The following CAPZB variants were observed in gnomAD, a reference collection of about 807,000 sequenced individuals.
CAPZB encodes capping actin protein of muscle Z-line subunit beta.
A neutral mutation model predicts 38.1 loss-of-function variants in CAPZB; 2 were observed. The observed-to-expected ratio is 0.05, with a 90% CI of 0.02 to 0.17. The LOEUF (loss-of-function observed/expected upper bound fraction) is 0.17, where lower values mean the gene tolerates loss of function less well. Ranked by LOEUF, CAPZB falls within the 10% of genes least tolerant of loss-of-function variation. CAPZB has a pLI of 1.00. For synonymous variants in CAPZB, 107 were observed against 127.4 expected (o/e 0.84, Z 1.08); for missense variants, 161 against 334.2 (o/e 0.48, Z 4.04).
chr1:19,362,842 T>C (rs1480919124), intron 4 of CAPZB, among the ~76,000 whole-genome samples: 2 of 152,130 alleles, frequency 1.3e-5, no homozygotes, highest in South Asian at 2.1e-4. Flanking sequence ...AGGGACTAGC[T>C]TGCAAAGACT....
intron 1 of CAPZB, among the ~76,000 whole-genome samples, chr1:19,447,272 CTTTTTTTTT>C (rs35692222): frequency 5.3e-5 from 4 of 74,890 alleles, no homozygotes; most frequent in Non-Finnish European, 7.2e-5. Context: ...CAGACCTAAT[CTTTTTTTTT>C]TTTTTTTTTT....
chr1:19,423,686 G>A (rs1172418200), intron 1 of CAPZB, among the ~76,000 whole-genome samples: 1 of 151,676 alleles, frequency 6.6e-6, no homozygotes, highest in Non-Finnish European at 1.5e-5. Flanking sequence ...CACCATGCCT[G>A]GTTAATTTTT....
intron 2 of CAPZB, 26 bp downstream of exon 2, chr1:19,419,633 AAT>A: frequency 7.2e-7 from 1 of 1,386,956 alleles, no homozygotes; most frequent in Non-Finnish European, 1.0e-6. Context: ...CGCAGTCTCA[AAT>A]GGAACCATAT....
At chr1:19,397,680 T>C (rs1458674227) in intron 2 of CAPZB, among the ~76,000 whole-genome samples, 2 of 152,198 alleles carry the variant, frequency 1.3e-5, no homozygotes, top group African/African-American at 4.8e-5. Context: ...AAATGGGAAA[T>C]GCATCCATTT....
intron 6 of CAPZB, among the ~76,000 whole-genome samples, chr1:19,354,942 C>T (rs925945614): frequency 1.3e-5 from 2 of 152,136 alleles, no homozygotes; most frequent in Admixed American, 6.5e-5. Context: ...TCCACTTCCA[C>T]GCAAAAAGGC....
chr1:19,368,370 GC>G (rs1257566367), intron 4 of CAPZB, among the ~76,000 whole-genome samples: 1 of 152,078 alleles, frequency 6.6e-6, no homozygotes, highest in Non-Finnish European at 1.5e-5. Context: ...CAGGCCAAGT[GC>G]AGTGGCTCAT....
chr1:19,372,679 C>T (rs2094125033), intron 4 of CAPZB, among the ~76,000 whole-genome samples: 1 of 152,238 alleles, frequency 6.6e-6, no homozygotes, highest in Admixed American at 6.5e-5. Flanking sequence ...CTAGCCTAGG[C>T]TTGGACCTAA....
chr1:19,484,424 C>T lies in CAPZB; in HGVS notation c.3+1012G>A, dbSNP rs535971234. 1.2e-4 allele frequency: 187 copies of T among 1,516,736 alleles called. No homozygotes were observed. In the East Asian group the frequency reaches 2.0e-3, roughly 16 times the overall value. 94.0% of individuals were successfully genotyped at this position (1,516,736 alleles called of 1,614,324 possible). A position where few individuals can be genotyped will look rare whatever the true frequency, so the allele number is the denominator to read the frequency against. ...ACTCAGGCCCGGGCGCCGTGGACCC[C>T]GGCCTGCCCTGCAGAATGCTTCGCA... On this transcript the variant is annotated intron_variant, in intron 1 of 8. Transcript: ENST00000264202.
chr1:19,411,833 G>A (rs1195124162), intron 2 of CAPZB, among the ~76,000 whole-genome samples: 1 of 152,158 alleles, frequency 6.6e-6, no homozygotes, highest in Non-Finnish European at 1.5e-5. Context: ...CTGGTGAAGG[G>A]CTGCCTGGCT....
At chr1:19,439,766 C>T (rs1203434143) in intron 1 of CAPZB, among the ~76,000 whole-genome samples, 1 of 152,258 alleles carries the variant, frequency 6.6e-6, no homozygotes, top group Non-Finnish European at 1.5e-5. Flanking sequence ...GACCACTCGC[C>T]CTCGGCTGTC....
At chr1:19,390,241 G>C (rs1326843118) in intron 2 of CAPZB, among the ~76,000 whole-genome samples, 1 of 152,190 alleles carries the variant, frequency 6.6e-6, no homozygotes, top group Non-Finnish European at 1.5e-5. Context: ...CCATGGGTTT[G>C]TACAGTGATT....
intron 1 of CAPZB, among the ~76,000 whole-genome samples, chr1:19,453,685 C>T (rs1177200625): frequency 6.6e-6 from 1 of 152,210 alleles, no homozygotes; most frequent in Non-Finnish European, 1.5e-5. Context: ...GACTTCACAA[C>T]ACATCTCACA....
Position 19,436,678 on chromosome 1 carries a change from G to C in CAPZB, c.4-16928C>G, listed in dbSNP as rs559889238. ...GAGTATATCCCCCATAGCTAAGGAGGGACAACTGCTATACATACATTATAC... is the reference window on the plus strand; with the variant it reads ...GAGTATATCCCCCATAGCTAAGGAGCGACAACTGCTATACATACATTATAC... On this transcript the variant is annotated intron_variant, in intron 1 of 8. Transcript: ENST00000264202. Among the ~76,000 whole-genome samples, 5 of 145,266 alleles carry C rather than the reference G, an allele frequency of 3.4e-5. No homozygotes were observed. The South Asian group carries it at 1.1e-3, about 32-fold the overall frequency.
chr1:19,372,899 G>GGGCT (rs2094126502), intron 4 of CAPZB, among the ~76,000 whole-genome samples: 1 of 152,150 alleles, frequency 6.6e-6, no homozygotes, highest in African/African-American at 2.4e-5. Flanking sequence ...CCAGGTGGGT[G>GGGCT]GGCTGGCTGG....
At chr1:19,474,775 C>T (rs1037400580) in intron 1 of CAPZB, among the ~76,000 whole-genome samples, 1 of 152,112 alleles carries the variant, frequency 6.6e-6, no homozygotes, top group African/African-American at 2.4e-5. Context: ...CTAAAGGCAC[C>T]ATACTTTGGC....
At chr1:19,479,246 C>G (rs2094618923) in intron 1 of CAPZB, among the ~76,000 whole-genome samples, 1 of 152,124 alleles carries the variant, frequency 6.6e-6, no homozygotes, top group African/African-American at 2.4e-5. Context: ...TTCTGTTATT[C>G]CTACAGCTGC....
At chr1:19,438,192 CGCT>C (rs1229056117) in intron 1 of CAPZB, among the ~76,000 whole-genome samples, 1 of 152,128 alleles carries the variant, frequency 6.6e-6, no homozygotes, top group African/African-American at 2.4e-5. Flanking sequence ...CAGCTGGAAT[CGCT>C]GCTTAAGAAG....
chr1:19,412,259 C>A (rs1406647422), intron 2 of CAPZB, among the ~76,000 whole-genome samples: 1 of 152,150 alleles, frequency 6.6e-6, no homozygotes, highest in Non-Finnish European at 1.5e-5. Context: ...CATTCCGCGG[C>A]TCCTGCTCCA....
chr1:19,392,435 G>A (rs2094241658), intron 2 of CAPZB, among the ~76,000 whole-genome samples: 1 of 151,862 alleles, frequency 6.6e-6, no homozygotes, highest in Admixed American at 6.6e-5. Context: ...AGCAAAGCGC[G>A]GCTGGAGTGA....
Sources: gnomAD v4.1 joint callset for allele counts (sites outside exome capture counted in the v4.1 genomes callset) on GRCh38, gnomAD v4.1.1 for gene constraint, MANE v1.5 for transcripts, NCBI Gene and HGNC (gene_info 2026-07-23, HGNC 2026-07-21) for gene names.